TMC5: variants seen among roughly 807,000 people sequenced by gnomAD.
TMC5 encodes transmembrane channel like 5.
Under a neutral mutation model 110.5 loss-of-function variants are expected in TMC5, and 86 were observed. The ratio of observed to expected loss-of-function variants is 0.78; its 90% CI spans 0.65 to 0.93. The LOEUF is 0.93. Among genes scored for constraint, TMC5 ranks in the 40% least tolerant of loss-of-function variants. The pLI is 0.00. For synonymous variants in TMC5, 455 were observed against 439.5 expected (o/e 1.04, Z -0.44); for missense variants, 1,144 against 1,222.8 (o/e 0.94, Z 0.96).
At chr16:19,424,436 A>T (rs1967048882) in intron 1 of TMC5, among the ~76,000 whole-genome samples, 1 of 152,168 alleles carries the variant, frequency 6.6e-6, no homozygotes, top group African/African-American at 2.4e-5. Flanking sequence ...GGATCACCTG[A>T]GGTCAGGAGT....
intron 2 of TMC5, among the ~76,000 whole-genome samples, chr16:19,437,017 A>G (rs1261049200): frequency 6.6e-6 from 1 of 152,114 alleles, no homozygotes; most frequent in Non-Finnish European, 1.5e-5. Flanking sequence ...CTCTATAAAA[A>G]TACAAAAATT....
intron 11 of TMC5, among the ~76,000 whole-genome samples, chr16:19,473,495 C>A (rs1396787424): frequency 2.6e-5 from 4 of 151,700 alleles, no homozygotes; most frequent in Non-Finnish European, 4.4e-5. Flanking sequence ...GGAGCACATC[C>A]TCATTGCCCT....
chr16:19,459,498 C>T (rs992561496), intron 5 of TMC5, among the ~76,000 whole-genome samples: 1 of 152,076 alleles, frequency 6.6e-6, no homozygotes, highest in Non-Finnish European at 1.5e-5. Context: ...AGCAAGAGAG[C>T]CAGGCGTGGT....
chr16:19,481,776 G>T (rs1258639876), intron 15 of TMC5, among the ~76,000 whole-genome samples: 1 of 152,076 alleles, frequency 6.6e-6, no homozygotes, highest in African/African-American at 2.4e-5. Context: ...TCAATGTTTG[G>T]GTCTCCCCTC....
At chr16:19,466,298 A>G in intron 9 of TMC5, 65 bp downstream of exon 9, 1 of 1,573,206 alleles carries the variant, frequency 6.4e-7, no homozygotes, top group Non-Finnish European at 8.7e-7. Flanking sequence ...AATCCAAGAA[A>G]TTCAAAAATT....
intron 4 of TMC5, among the ~76,000 whole-genome samples, chr16:19,444,902 G>A (rs927965120): frequency 5.9e-5 from 9 of 152,270 alleles, no homozygotes; most frequent in Admixed American, 2.0e-4. Context: ...AGGTCGAGGC[G>A]GGCAGATCAC....
intron 11 of TMC5, among the ~76,000 whole-genome samples, chr16:19,472,873 G>A (rs1968379263): frequency 6.6e-6 from 1 of 152,198 alleles, no homozygotes; most frequent in African/African-American, 2.4e-5. Context: ...CGGAGGTAGG[G>A]TGAGGCCATG....
intron 18 of TMC5, among the ~76,000 whole-genome samples, chr16:19,490,984 C>CTCCTTCCTTCCT (rs71146247): frequency 6.8e-5 from 5 of 73,554 alleles, no homozygotes; most frequent in East Asian, 3.6e-4. Context: ...CCTTCCCCTT[C>CTCCTTCCTTCCT]TCCTTCCTTC....
intron 5 of TMC5, among the ~76,000 whole-genome samples, chr16:19,455,742 T>A (rs1329841296): frequency 6.6e-6 from 1 of 152,154 alleles, no homozygotes; most frequent in East Asian, 1.9e-4. Flanking sequence ...TGGGAAACTT[T>A]GAGCACTATG....
chr16:19,480,302 T>A (rs1968586593), intron 14 of TMC5, among the ~76,000 whole-genome samples: 1 of 152,184 alleles, frequency 6.6e-6, no homozygotes. Context: ...CCATGTCTGG[T>A]TTTTTAAATT....
In TMC5 at chr16:19,469,677, C is replaced by A; in HGVS notation, c.1638-4C>A. ...TCAGGTGTTCTGCTTTCTGCCTTCT[C>A]TAGCATGGCCAAGTATTTCCGGAAC... On this transcript the variant is annotated splice_polypyrimidine_tract_variant and splice_region_variant and intron_variant, in intron 9 of 21. Coordinates refer to ENST00000542583, the MANE Select transcript of TMC5 (RefSeq NM_001261841.2). 1 of 1,613,942 alleles carries A rather than the reference C, an allele frequency of 6.2e-7. No individual in the cohort carries two copies. The highest frequency in any genetic ancestry group is 8.5e-7 in the Non-Finnish European group (1 of 1,179,856).
chr16:19,441,291 G>T (rs9935545), intron 3 of TMC5, among the ~76,000 whole-genome samples: 5,380 of 136,870 alleles, frequency 0.039, 125 homozygotes, highest in African/African-American at 0.058. Context: ...CCACTTCTTT[G>T]TTTTTTTTTT....
At chr16:19,492,834 C>T (rs185545155) in intron 19 of TMC5, among the ~76,000 whole-genome samples, 38 of 149,898 alleles carry the variant, frequency 2.5e-4, no homozygotes, top group African/African-American at 9.0e-4. Context: ...AGATTACAGG[C>T]AGGTGCCACT....
intron 4 of TMC5, among the ~76,000 whole-genome samples, chr16:19,446,298 T>G (rs546733873): frequency 8.4e-4 from 128 of 152,158 alleles, no homozygotes; most frequent in Non-Finnish European, 1.7e-3. Flanking sequence ...TCACTCTTGA[T>G]GTATAAAGCA....
At chr16:19,473,547 C>T (rs748203184) in intron 11 of TMC5, among the ~76,000 whole-genome samples, 3 of 152,096 alleles carry the variant, frequency 2.0e-5, no homozygotes, top group East Asian at 1.9e-4. Context: ...AATGATTGTT[C>T]GAGCTCAGGC....
intron 15 of TMC5, among the ~76,000 whole-genome samples, chr16:19,486,490 C>A (rs2143727812): frequency 1.3e-5 from 2 of 152,312 alleles, no homozygotes; most frequent in South Asian, 4.1e-4. Flanking sequence ...GATTCTCCTG[C>A]CTCAGCCTCT....
rs768720459 is a variant in TMC5, at chr16:19,460,263, C to T, written c.1077C>T (p.Pro359=). The change falls in exon 6 of 22, where the codon CCC becomes CCT. Residue 359 remains proline, a synonymous_variant. Transcript: ENST00000542583. ...AGAAGTTAATCGCATCCCTTATACC[C>T]ATGACATCCAGAGACAGAATTAAAG... ...QGQKLIASLI[P]MTSRDRIKAI... is the part of the protein sequence containing the mutation. The T allele has an allele frequency of 6.2e-7, 1 of 1,613,480 alleles. No homozygotes were observed. The highest frequency in any genetic ancestry group is 8.5e-7 in the Non-Finnish European group (1 of 1,179,610).
At chr16:19,491,382 A>G (rs1968900945) in intron 18 of TMC5, among the ~76,000 whole-genome samples, 1 of 151,864 alleles carries the variant, frequency 6.6e-6, no homozygotes, top group Non-Finnish European at 1.5e-5. Context: ...GCTTCTTGGG[A>G]AGCTGAGATG....
rs199855307 is a variant in TMC5, at chr16:19,434,935, C to T, written c.-80+4295C>T. On this transcript the variant is annotated intron_variant, in intron 2 of 21. Transcript: ENST00000542583. ...CGGAAAGTAAGCCCAGTTCTGACACCAAGGGCTGGGTTCCCAACCACTTTC... is the reference window on the plus strand; with the variant it reads ...CGGAAAGTAAGCCCAGTTCTGACACTAAGGGCTGGGTTCCCAACCACTTTC... Among the ~76,000 whole-genome samples, 26 of 152,220 alleles carry T rather than the reference C, an allele frequency of 1.7e-4. No individual in the cohort carries two copies. The East Asian group carries it at 4.8e-3, about 28-fold the overall frequency.
Sources: gnomAD v4.1 joint callset for allele counts (sites outside exome capture counted in the v4.1 genomes callset) on GRCh38, gnomAD v4.1.1 for gene constraint, MANE v1.5 for transcripts, NCBI Gene and HGNC (gene_info 2026-07-23, HGNC 2026-07-21) for gene names.